CLP1: variants seen among roughly 807,000 people sequenced by gnomAD.
The protein encoded by CLP1 is cleavage factor polyribonucleotide kinase subunit 1, also known as polyribonucleotide 5'-hydroxyl-kinase Clp1.
Under a neutral mutation model 29.9 loss-of-function variants are expected in CLP1, and 18 were observed. The observed-to-expected ratio is 0.60, with a 90% CI of 0.42 to 0.89. The LOEUF (loss-of-function observed/expected upper bound fraction) is 0.89, where lower values mean the gene tolerates loss of function less well. Among genes scored for constraint, CLP1 ranks in the 40% least tolerant of loss-of-function variants. The probability of loss-of-function intolerance (pLI) is 0.00; values close to 1 mark genes in which losing one functional copy is unlikely to be tolerated. For synonymous variants in CLP1, 162 were observed against 206.2 expected, an observed-to-expected ratio of 0.79 and a Z score of 1.84; for missense variants, 357 against 544.8, an observed-to-expected ratio of 0.66 and a Z score of 3.43.
intron 2 of CLP1, 68 bp downstream of exon 2, chr11:57,660,150 CT>C: frequency 1.4e-6 from 2 of 1,448,160 alleles, no homozygotes; most frequent in Non-Finnish European, 1.8e-6. Flanking sequence ...GAGAAGTTTA[CT>C]AGTTAACACT....
At chr11:57,659,426 T>G (rs1024789542) in intron 1 of CLP1, 29 bp from the exon 2 acceptor site, 1 of 1,602,210 alleles carries the variant, frequency 6.2e-7, no homozygotes, top group African/African-American at 1.3e-5. Context: ...TGACTTATAA[T>G]TAGATCTGAT....
intron 2 of CLP1, 24 bp downstream of exon 2, chr11:57,660,106 T>G (rs770742942): frequency 9.8e-5 from 150 of 1,530,326 alleles, no homozygotes; most frequent in Non-Finnish European, 1.3e-4. Flanking sequence ...AAAGGTGGGG[T>G]GGAGGGAAGG....
chr11:57,658,412 C>T (rs1945841688), intron 1 of CLP1, among the ~76,000 whole-genome samples: 1 of 152,160 alleles, frequency 6.6e-6, no homozygotes, highest in African/African-American at 2.4e-5. Context: ...CATTAATTCA[C>T]TCAATGTATT....
intron 1 of CLP1, among the ~76,000 whole-genome samples, chr11:57,658,176 A>G (rs1465045525): frequency 1.3e-5 from 2 of 152,238 alleles, no homozygotes; most frequent in Non-Finnish European, 2.9e-5. Context: ...GTCTAAAGAC[A>G]CTACTAGTAG....
At chr11:57,660,470 C>T (rs1945864814) in intron 2 of CLP1, among the ~76,000 whole-genome samples, 1 of 152,090 alleles carries the variant, frequency 6.6e-6, no homozygotes. Context: ...GCCTGGCCAA[C>T]ATGGTGAAAC....
At position 57,660,890 on chromosome 11, in the gene CLP1, T is replaced by C; in HGVS notation, c.732T>C (p.His244=). The change falls in exon 3 of 3, where the codon CAT becomes CAC. Residue 244 remains histidine (H), a synonymous_variant. Transcript: ENST00000533682. ...VKGSGYQALV[H]AASAFEVDVV... Reference sequence around the variant, plus strand: ...GCTCTGGTTACCAGGCTCTGGTGCATGCAGCCTCAGCTTTTGAGGTGGATG... The same window carrying C: ...GCTCTGGTTACCAGGCTCTGGTGCACGCAGCCTCAGCTTTTGAGGTGGATG... 3 of 1,614,216 alleles carry C rather than the reference T, an allele frequency of 1.9e-6. No individual in the cohort carries two copies. The highest frequency in any genetic ancestry group is 2.5e-6 in the Non-Finnish European group (3 of 1,180,036).
Position 57,659,848 on chromosome 11 carries a change from T to A in CLP1, c.372T>A (p.Asp124Glu), listed in dbSNP as rs1254229956. Residue 124 changes from aspartate to glutamate, a missense_variant, in exon 2 of 3, where the codon GAT (aspartate) becomes GAA (glutamate). Asp to Glu is a conservative substitution (Grantham distance 45). Coordinates refer to ENST00000533682, the MANE Select transcript of CLP1 (RefSeq NM_006831.3). Reference protein sequence around the residue: ...GPRVMVVGPTDVGKSTVCRLL... With the variant: ...GPRVMVVGPTEVGKSTVCRLL... Reference sequence around the variant, plus strand: ...GAGTGATGGTAGTGGGCCCCACTGATGTGGGCAAGTCTACAGTGTGTCGCC... The same window carrying A: ...GAGTGATGGTAGTGGGCCCCACTGAAGTGGGCAAGTCTACAGTGTGTCGCC... The A allele has an allele frequency of 6.2e-7, 1 of 1,614,164 alleles. No individual in the cohort carries two copies. The highest frequency in any genetic ancestry group is 8.5e-7 in the Non-Finnish European group (1 of 1,180,040).
rs545990080 is a variant in CLP1, at chr11:57,661,519, T to C, written c.*83T>C. 4 of 1,181,978 alleles carry C rather than the reference T, an allele frequency of 3.4e-6. No individual in the cohort carries two copies. The highest frequency in any genetic ancestry group is 1.5e-5 in the South Asian group (1 of 68,862). The allele number at this position is 1,181,978 out of a possible 1,614,324, so 73.2% of individuals were successfully genotyped here. A position where few individuals can be genotyped will look rare whatever the true frequency, so the allele number is the denominator to read the frequency against. On this transcript the variant is annotated 3_prime_UTR_variant, in exon 3 of 3. Transcript: ENST00000533682. ...GCAGATGGGCTGAGATAAAAGACTG[T>C]TGGGGCCACCTGACCAGTAAACTGT...
rs1374289748 is a variant in CLP1 at position 57,661,349 on chromosome 11, G to C, written c.1191G>C (p.Gln397His). The C allele has an allele frequency of 1.2e-6, 2 of 1,614,002 alleles. No individual in the cohort carries two copies. The highest frequency in any genetic ancestry group is 2.2e-5 in the South Asian group (2 of 91,084). ...IVVTSVDLEH[Q>H]VFTVLSPAPR... ...TGACCAGTGTGGACCTGGAGCATCA[G>C]GTGTTTACTGTTCTGTCTCCAGCCC... Residue 397 changes from glutamine (Q) to histidine (H), a missense_variant, in exon 3 of 3, where the codon CAG (glutamine) becomes CAC (histidine). Gln to His is a conservative substitution (Grantham distance 24). Coordinates refer to ENST00000533682, the MANE Select transcript of CLP1 (RefSeq NM_006831.3).
In CLP1 at chr11:57,661,422, A is replaced by C; in HGVS notation, c.1264A>C (p.Met422Leu). 2 of 1,610,346 alleles carry C rather than the reference A, an allele frequency of 1.2e-6. No homozygotes were observed. Among genetic ancestry groups the C allele is most frequent in the Non-Finnish European group, 1.7e-6 (2 of 1,177,838 alleles). ...CCTTCTCATCATGGATATCCGGTTCATGGATCTGAAGTAGAGATCAGCAGG... is the reference window on the plus strand; with the variant it reads ...CCTTCTCATCATGGATATCCGGTTCCTGGATCTGAAGTAGAGATCAGCAGG... The part of the protein sequence containing the change: ...NFLLIMDIRF[M>L]DLK Residue 422 changes from methionine to leucine, a missense_variant, in exon 3 of 3, where the codon ATG becomes CTG. Transcript: ENST00000533682.
At position 57,661,550 on chromosome 11, in the gene CLP1, A is replaced by G; in HGVS notation, c.*114A>G. On this transcript the variant is annotated 3_prime_UTR_variant, in exon 3 of 3. Transcript: ENST00000533682. ...CCACCTGACCAGTAAACTGTGGACT[A>G]GTAGAAAGTTCATATTCTACCTCTA... 2.4e-6 allele frequency: 2 copies of G among 822,062 alleles called. No homozygotes were observed. Among genetic ancestry groups the G allele is most frequent in the South Asian group, 3.4e-5 (2 of 58,582 alleles). 50.9% of individuals were successfully genotyped at this position (822,062 alleles called of 1,614,324 possible). A position where few individuals can be genotyped will look rare whatever the true frequency, so the allele number is the denominator to read the frequency against.
At chr11:57,658,638 A>T (rs1229598076) in intron 1 of CLP1, among the ~76,000 whole-genome samples, 1 of 150,544 alleles carries the variant, frequency 6.6e-6, no homozygotes, top group Non-Finnish European at 1.5e-5. Context: ...ATTTTATTTT[A>T]TTTTTTTTTG....
In CLP1 at chr11:57,659,763, C is replaced by T. The variant is rs1317906934; in HGVS notation, c.287C>T (p.Thr96Ile). The T allele has an allele frequency of 6.2e-7, 1 of 1,614,090 alleles. No individual in the cohort carries two copies. Among genetic ancestry groups the T allele is most frequent in the East Asian group, 2.2e-5 (1 of 44,902 alleles). The change falls in exon 2 of 3, where the codon ACT becomes ATT. Residue 96 changes from threonine (T) to isoleucine (I), a missense_variant. By Grantham distance (89) the Thr-to-Ile change is moderately conservative. Coordinates refer to ENST00000533682, the MANE Select transcript of CLP1 (RefSeq NM_006831.3). Reference sequence around the variant, plus strand: ...ACTCCTATGTTGCTTTACCTCAACACTCACACAGCCTTGGAACAGATGCGG... The same window carrying T: ...ACTCCTATGTTGCTTTACCTCAACATTCACACAGCCTTGGAACAGATGCGG... ...KDTPMLLYLN[T>I]HTALEQMRRQ...
intron 1 of CLP1, among the ~76,000 whole-genome samples, chr11:57,658,280 A>T (rs1945840191): frequency 6.6e-6 from 1 of 152,102 alleles, no homozygotes; most frequent in African/African-American, 2.4e-5. Flanking sequence ...GTTGACTAGG[A>T]TGATTGGGGT....
Position 57,661,130 on chromosome 11 carries a change from G to GA in CLP1, c.976dup (p.Ile326AsnfsTer23). ...CCTTCAATGTCAAATTTTCAGATGT[G>GA]AAAATCTACAAAGTTGGGGCACCCA... On this transcript the variant is annotated frameshift_variant, in exon 3 of 3. Transcript: ENST00000533682. LOFTEE classifies it high-confidence loss of function. 1 of 1,614,186 alleles carries GA rather than the reference G, an allele frequency of 6.2e-7. No homozygotes were observed. Among genetic ancestry groups the GA allele is most frequent in the Non-Finnish European group, 8.5e-7 (1 of 1,180,032 alleles).
rs991973828 is a variant in CLP1 at position 57,661,573 on chromosome 11, C to T, written c.*137C>T. 5 of 680,178 alleles carry T rather than the reference C, an allele frequency of 7.4e-6. No individual in the cohort carries two copies. Among genetic ancestry groups the T allele is most frequent in the African/African-American group, 1.8e-5 (1 of 55,558 alleles). The allele number at this position is 680,178 out of a possible 1,614,324, so 42.1% of individuals were successfully genotyped here. On this transcript the variant is annotated 3_prime_UTR_variant, in exon 3 of 3. Coordinates refer to ENST00000533682, the MANE Select transcript of CLP1 (RefSeq NM_006831.3). ...CTAGTAGAAAGTTCATATTCTACCT[C>T]TAAAAACAGGTAGTGGTAACCTGAC...
Position 57,659,834 on chromosome 11 carries a change from G to A in CLP1, c.358G>A (p.Val120Met). Residue 120 changes from valine to methionine, a missense_variant, in exon 2 of 3, where the codon GTG becomes ATG. Coordinates refer to ENST00000533682, the MANE Select transcript of CLP1 (RefSeq NM_006831.3). ...AGAGCGAGGTCCCCGAGTGATGGTAGTGGGCCCCACTGATGTGGGCAAGTC... is the reference window on the plus strand; with the variant it reads ...AGAGCGAGGTCCCCGAGTGATGGTAATGGGCCCCACTGATGTGGGCAAGTC... ...EEERGPRVMV[V>M]GPTDVGKSTV... The A allele has an allele frequency of 6.2e-7, 1 of 1,614,202 alleles. No individual in the cohort carries two copies. Among genetic ancestry groups the A allele is most frequent in the Non-Finnish European group, 8.5e-7 (1 of 1,180,048 alleles).
chr11:57,659,849 G>A lies in CLP1; in HGVS notation c.373G>A (p.Val125Met), dbSNP rs1945857526. Residue 125 changes from valine (V) to methionine (M), a missense_variant, in exon 2 of 3, where the codon GTG (valine) becomes ATG (methionine). Transcript: ENST00000533682. ...PRVMVVGPTD[V>M]GKSTVCRLLL... ...AGTGATGGTAGTGGGCCCCACTGAT[G>A]TGGGCAAGTCTACAGTGTGTCGCCT... 6.2e-7 allele frequency: 1 copy of A among 1,614,196 alleles called. No individual in the cohort carries two copies. The highest frequency in any genetic ancestry group is 8.5e-7 in the Non-Finnish European group (1 of 1,180,052).
chr11:57,659,814 G>A lies in CLP1; in HGVS notation c.338G>A (p.Arg113Gln), dbSNP rs747757925. The change falls in exon 2 of 3, where the codon CGA becomes CAA. Residue 113 changes from arginine to glutamine, a missense_variant. By Grantham distance (43) the Arg-to-Gln change is conservative (BLOSUM62 1). Coordinates refer to ENST00000533682, the MANE Select transcript of CLP1 (RefSeq NM_006831.3). ...MRRQAEKEEE[R>Q]GPRVMVVGPT... ...AGGCAAGCGGAAAAGGAAGAAGAGC[G>A]AGGTCCCCGAGTGATGGTAGTGGGC... 1.2e-6 allele frequency: 2 copies of A among 1,614,118 alleles called. No individual in the cohort carries two copies. The highest frequency in any genetic ancestry group is 2.2e-5 in the East Asian group (1 of 44,876).
Sources: gnomAD v4.1 joint callset for allele counts (sites outside exome capture counted in the v4.1 genomes callset) on GRCh38, gnomAD v4.1.1 for gene constraint, MANE v1.5 for transcripts, NCBI Gene and HGNC (gene_info 2026-07-23, HGNC 2026-07-21) for gene names.